The following TMEM248 variants were observed in gnomAD, a reference collection of about 807,000 sequenced individuals.
The protein encoded by TMEM248 is UPF0458 protein C7orf42.
TMEM248 carries 9 observed loss-of-function variants against 30.3 expected under a neutral mutation model. That is an observed-to-expected ratio of 0.30 (90% CI 0.18 to 0.52). The LOEUF (loss-of-function observed/expected upper bound fraction) is 0.52. Ranked by LOEUF, TMEM248 falls within the 20% of genes least tolerant of loss-of-function variation. TMEM248 has a pLI of 0.97. For synonymous variants in TMEM248, 184 were observed against 154.4 expected (o/e 1.19, Z -1.42); for missense variants, 338 against 403.3 (o/e 0.84, Z 1.39).
chr7:66,941,561 AACACAC>A lies in TMEM248; in HGVS notation c.-18-255_-18-250del, dbSNP rs72442084. On this transcript the variant is annotated intron_variant, in intron 1 of 6. Coordinates refer to ENST00000341567, the MANE Select transcript of TMEM248 (RefSeq NM_017994.5). ...CAGAACGAGAGACCCTGTTTCTTAA[AACACAC>A]ACACACACACACACACACACACACA... Among the ~76,000 whole-genome samples the A allele has an allele frequency of 3.6e-3, 517 of 142,778 alleles. 4 individuals carry two copies. The highest frequency in any genetic ancestry group is 0.017 in the South Asian group (74 of 4,414). The allele number at this position is 142,778 out of a possible 152,430, so 93.7% of individuals were successfully genotyped here.
chr7:66,953,816 G>A (rs1792331652), intron 6 of TMEM248, among the ~76,000 whole-genome samples: 1 of 151,984 alleles, frequency 6.6e-6, no homozygotes, highest in Non-Finnish European at 1.5e-5. Flanking sequence ...ATGTTGGCCA[G>A]GCTGGTCTCA....
chr7:66,948,010 C>G (rs1440911275), intron 3 of TMEM248, among the ~76,000 whole-genome samples: 1 of 152,100 alleles, frequency 6.6e-6, no homozygotes, highest in Non-Finnish European at 1.5e-5. Flanking sequence ...CCTCAGCCTT[C>G]TAAAGTCAAA....
intron 1 of TMEM248, among the ~76,000 whole-genome samples, chr7:66,925,694 C>CTTTTTTT (rs762948450): frequency 2.9e-5 from 4 of 137,846 alleles, no homozygotes; most frequent in Non-Finnish European, 4.8e-5. Flanking sequence ...GTAGTTTTTT[C>CTTTTTTT]TTTTTTTTTT....
At position 66,955,616 on chromosome 7, in the gene TMEM248, A is replaced by G; in HGVS notation, c.*94A>G. The G allele has an allele frequency of 6.9e-7, 1 of 1,441,464 alleles. No individual in the cohort carries two copies. Among genetic ancestry groups the G allele is most frequent in the Non-Finnish European group, 9.6e-7 (1 of 1,036,886 alleles). The allele number at this position is 1,441,464 out of a possible 1,614,324, so 89.3% of individuals were successfully genotyped here. A position where few individuals can be genotyped will look rare whatever the true frequency, so the allele number is the denominator to read the frequency against. Reference sequence around the variant, plus strand: ...GGCCTGGATGCTCTGTGAATACATTATCTTGCGATGTTGGGTTATTCCAGC... The same window carrying G: ...GGCCTGGATGCTCTGTGAATACATTGTCTTGCGATGTTGGGTTATTCCAGC... On this transcript the variant is annotated 3_prime_UTR_variant, in exon 7 of 7. Coordinates refer to ENST00000341567, the MANE Select transcript of TMEM248 (RefSeq NM_017994.5).
chr7:66,945,867 C>T (rs1792087427), intron 3 of TMEM248, among the ~76,000 whole-genome samples: 1 of 152,102 alleles, frequency 6.6e-6, no homozygotes, highest in South Asian at 2.1e-4. Context: ...GGGCAGATCA[C>T]AAGGTCAAGA....
intron 3 of TMEM248, among the ~76,000 whole-genome samples, chr7:66,945,950 G>C (rs550407535): frequency 5.6e-4 from 86 of 152,298 alleles, no homozygotes; most frequent in African/African-American, 2.0e-3. Context: ...CGGGCGTGGT[G>C]GCAGGCACCT....
rs1325861733 is a variant in TMEM248, at chr7:66,930,022, T to G, written c.-19+8561T>G. Among the ~76,000 whole-genome samples the G allele has an allele frequency of 2.0e-5, 3 of 150,904 alleles. No individual in the cohort carries two copies. In the East Asian group the frequency reaches 5.9e-4, roughly 30 times the overall value. On this transcript the variant is annotated intron_variant, in intron 1 of 6. Transcript: ENST00000341567. ...AAAAAATACAAAAATTAGCCAGGAG[T>G]GGTAGCATGCACTTGTAGTCCCAGC...
rs1562945846 is a variant in TMEM248, at chr7:66,953,216, CTTT to C, written c.781-9_781-7del. ...AGATGTTTCTGATTTTTTTTCTCTT[CTTT>C]ATTTAGGATGACCGTTCATTAATAA... On this transcript the variant is annotated splice_region_variant and splice_polypyrimidine_tract_variant and intron_variant, in intron 5 of 6. Transcript: ENST00000341567. 1 of 1,611,360 alleles carries C rather than the reference CTTT, an allele frequency of 6.2e-7. No homozygotes were observed.
At chr7:66,922,324 T>TA (rs1367111640) in intron 1 of TMEM248, 1 of 152,182 alleles carries the variant, frequency 6.6e-6, no homozygotes, top group African/African-American at 2.4e-5. Flanking sequence ...TTTGTCTCGA[T>TA]AGCACCATCA....
chr7:66,943,410 T>G (rs1368853919), intron 2 of TMEM248, among the ~76,000 whole-genome samples: 3 of 152,214 alleles, frequency 2.0e-5, no homozygotes, highest in Non-Finnish European at 4.4e-5. Context: ...TAGGAACGCA[T>G]TGTTGAGATG....
At chr7:66,928,458 A>G (rs913627947) in intron 1 of TMEM248, among the ~76,000 whole-genome samples, 3 of 152,192 alleles carry the variant, frequency 2.0e-5, no homozygotes, top group African/African-American at 4.8e-5. Flanking sequence ...TATTTGCAGC[A>G]TGACCTAGTA....
chr7:66,940,264 G>A (rs1369637839), intron 1 of TMEM248, among the ~76,000 whole-genome samples: 1 of 152,084 alleles, frequency 6.6e-6, no homozygotes, highest in Non-Finnish European at 1.5e-5. Flanking sequence ...ATAGATGTGC[G>A]TTTTAAGAAG....
chr7:66,924,659 C>A (rs1439955603), intron 1 of TMEM248, among the ~76,000 whole-genome samples: 2 of 152,094 alleles, frequency 1.3e-5, no homozygotes, highest in Non-Finnish European at 2.9e-5. Context: ...CCCACTGCGG[C>A]CTCCCAAAGT....
rs1324865702 is a variant in TMEM248, at chr7:66,945,019, G to T, written c.203G>T (p.Cys68Phe). ...FLLRFNDLDL[C>F]VSENETLKHL... ...CTACGGTTCAATGATTTGGACTTGT[G>T]TGTATCAGAGAATGAAACCCTCAAG... The change falls in exon 3 of 7, where the codon TGT becomes TTT. Residue 68 changes from cysteine to phenylalanine, a missense_variant. Physicochemically the swap from Cys to Phe is radical, Grantham distance 205. Transcript: ENST00000341567. 1 of 1,614,198 alleles carries T rather than the reference G, an allele frequency of 6.2e-7. No homozygotes were observed. Among genetic ancestry groups the T allele is most frequent in the Non-Finnish European group, 8.5e-7 (1 of 1,180,046 alleles).
chr7:66,930,732 T>TA (rs1791641721), intron 1 of TMEM248: 1 of 152,662 alleles, frequency 6.6e-6, no homozygotes. Context: ...TCTTCAGCTC[T>TA]AAGTGTTGGA....
intron 5 of TMEM248, chr7:66,951,405 G>C (rs930034645): frequency 2.5e-5 from 8 of 321,410 alleles, no homozygotes; most frequent in African/African-American, 1.5e-4. Context: ...CTAATCCCTG[G>C]GGGGGGTTAC....
intron 1 of TMEM248, among the ~76,000 whole-genome samples, chr7:66,925,703 T>C (rs1012548425): frequency 6.6e-6 from 1 of 151,770 alleles, no homozygotes; most frequent in Non-Finnish European, 1.5e-5. Flanking sequence ...TCTTTTTTTT[T>C]TTTTTGGAGA....
At chr7:66,946,041 T>G (rs995640093) in intron 3 of TMEM248, among the ~76,000 whole-genome samples, 10 of 147,920 alleles carry the variant, frequency 6.8e-5, no homozygotes, top group African/African-American at 2.5e-4. Flanking sequence ...CTGAGATTCA[T>G]GCCACTGTGC....
At chr7:66,951,461 G>T (rs375922549) in intron 5 of TMEM248, 1 of 207,294 alleles carries the variant, frequency 4.8e-6, no homozygotes, top group African/African-American at 2.3e-5. Flanking sequence ...GTTCACAGAC[G>T]TTCATAGAAG....
Sources: allele counts gnomAD v4.1 joint callset (sites outside exome capture counted in the v4.1 genomes callset), GRCh38; gene constraint gnomAD v4.1.1; transcripts MANE v1.5; gene names NCBI Gene and HGNC (gene_info 2026-07-23, HGNC 2026-07-21).